NTNG1: variants seen among roughly 807,000 people sequenced by gnomAD.
The protein encoded by NTNG1 is netrin-G1.
Under a neutral mutation model 54.0 loss-of-function variants are expected in NTNG1, and 16 were observed. The ratio of observed to expected loss-of-function variants is 0.30; its 90% CI spans 0.20 to 0.45. NTNG1 has a LOEUF of 0.45. Ranked by LOEUF, NTNG1 falls within the 20% of genes least tolerant of loss-of-function variation. NTNG1 has a pLI of 1.00. For missense variants in NTNG1, 530 were observed against 678.7 expected (o/e 0.78, Z 2.43); for synonymous variants, 255 against 263.1 (o/e 0.97, Z 0.30).
In NTNG1 at chr1:107,420,581, A is replaced by G. The variant is rs12083160; in HGVS notation, c.1088-10169A>G. On this transcript the variant is annotated intron_variant, in intron 5 of 7. Coordinates refer to ENST00000370068, the MANE Select transcript of NTNG1 (RefSeq NM_001113226.3). ...ACTTTTAAAGGTATATGTGTTCAAG[A>G]TGACTCTGAGATAGGCCCAAATGCT... 7.6e-3 allele frequency among the ~76,000 whole-genome samples: 1,153 copies of G among 152,156 alleles called. 18 individuals are homozygous for G. Among genetic ancestry groups the G allele is most frequent in the African/African-American group, 0.027 (1,111 of 41,552 alleles).
intron 5 of NTNG1, chr1:107,418,610 A>C (rs753760479): frequency 4.2e-5 from 67 of 1,604,090 alleles, no homozygotes; most frequent in Admixed American, 1.0e-4. Context: ...ATATGGCCGA[A>C]TATTTCTTCC....
intron 3 of NTNG1, among the ~76,000 whole-genome samples, chr1:107,348,958 G>A (rs766374202): frequency 1.3e-5 from 2 of 152,078 alleles, no homozygotes; most frequent in Non-Finnish European, 2.9e-5. Context: ...ATCCTCCCAT[G>A]GCTTTTAAAT....
intron 2 of NTNG1, among the ~76,000 whole-genome samples, chr1:107,204,656 C>A (rs1659043100): frequency 6.6e-6 from 1 of 152,094 alleles, no homozygotes; most frequent in Non-Finnish European, 1.5e-5. Context: ...TGTTGAAATT[C>A]CTGATCCACA....
chr1:107,437,102 T>A (rs1675651958), intron 7 of NTNG1, among the ~76,000 whole-genome samples: 1 of 152,092 alleles, frequency 6.6e-6, no homozygotes, highest in African/African-American at 2.4e-5. Flanking sequence ...AGCGTGGAAA[T>A]CTTCACCGCA....
intron 5 of NTNG1, among the ~76,000 whole-genome samples, chr1:107,415,120 TTCAG>T (rs1674108815): frequency 6.6e-6 from 1 of 152,084 alleles, no homozygotes; most frequent in African/African-American, 2.4e-5. Flanking sequence ...TCAAGACAAA[TTCAG>T]TCAATTTTAA....
intron 5 of NTNG1, among the ~76,000 whole-genome samples, chr1:107,414,937 T>C (rs1286125237): frequency 6.6e-6 from 1 of 152,152 alleles, no homozygotes; most frequent in Non-Finnish European, 1.5e-5. Flanking sequence ...TTATCCTAAA[T>C]AGATTATTTT....
chr1:107,473,179 T>A (rs1377409746), intron 7 of NTNG1, among the ~76,000 whole-genome samples: 1 of 152,190 alleles, frequency 6.6e-6, no homozygotes, highest in Non-Finnish European at 1.5e-5. Flanking sequence ...CGCATTACAT[T>A]GATTCCTTGA....
intron 2 of NTNG1, among the ~76,000 whole-genome samples, chr1:107,238,049 G>T (rs921134283): frequency 3.9e-5 from 6 of 152,172 alleles, no homozygotes; most frequent in Non-Finnish European, 8.8e-5. Context: ...TGGAAAAGCT[G>T]CAGACGCTCA....
intron 3 of NTNG1, among the ~76,000 whole-genome samples, chr1:107,344,123 C>G (rs767348229): frequency 5.9e-5 from 9 of 151,972 alleles, no homozygotes; most frequent in Admixed American, 1.3e-4. Context: ...GTTCCCAGAA[C>G]GCCACTTTAA....
At chr1:107,356,455 G>A (rs1181899563) in intron 3 of NTNG1, among the ~76,000 whole-genome samples, 1 of 151,790 alleles carries the variant, frequency 6.6e-6, no homozygotes, top group East Asian at 2.0e-4. Context: ...CACCACACCT[G>A]GCTAATTTTT....
intron 2 of NTNG1, among the ~76,000 whole-genome samples, chr1:107,292,402 C>G (rs2493991): frequency 0.43 from 66,033 of 151,856 alleles, 14,512 homozygotes; most frequent in Admixed American, 0.53. Context: ...GACATGAGCA[C>G]AACAGGAGAG....
intron 2 of NTNG1, among the ~76,000 whole-genome samples, chr1:107,154,595 CAAAAAAAA>C (rs59619310): frequency 8.4e-5 from 4 of 47,752 alleles, no homozygotes; most frequent in African/African-American, 2.1e-4. Context: ...GACCCTGTCT[CAAAAAAAA>C]AAAAAAAAAA....
intron 2 of NTNG1, among the ~76,000 whole-genome samples, chr1:107,319,899 C>T (rs1388621411): frequency 6.7e-6 from 1 of 150,292 alleles, no homozygotes; most frequent in Non-Finnish European, 1.5e-5. Flanking sequence ...CTCTGAAGGG[C>T]TTAGCAGATC....
intron 6 of NTNG1, among the ~76,000 whole-genome samples, chr1:107,434,631 G>GT (rs1397642255): frequency 1.3e-5 from 2 of 152,108 alleles, no homozygotes; most frequent in African/African-American, 4.8e-5. Context: ...CCATGGTTGG[G>GT]TAATCAGAGG....
At chr1:107,188,748 C>T (rs1050954350) in intron 2 of NTNG1, among the ~76,000 whole-genome samples, 1 of 152,068 alleles carries the variant, frequency 6.6e-6, no homozygotes, top group African/African-American at 2.4e-5. Flanking sequence ...AGACAGTTCA[C>T]AAATCCACAT....
At chr1:107,213,071 G>A (rs892994793) in intron 2 of NTNG1, among the ~76,000 whole-genome samples, 1 of 151,372 alleles carries the variant, frequency 6.6e-6, no homozygotes, top group Non-Finnish European at 1.5e-5. Flanking sequence ...AGATAAAAGT[G>A]AAATGAAATA....
intron 7 of NTNG1, among the ~76,000 whole-genome samples, chr1:107,443,799 C>A (rs1468503136): frequency 1.3e-5 from 2 of 152,086 alleles, no homozygotes; most frequent in African/African-American, 4.8e-5. Context: ...ATCACTGAAT[C>A]CAAGTTTTTA....
chr1:107,445,736 A>G (rs1676268822), intron 7 of NTNG1, among the ~76,000 whole-genome samples: 1 of 152,120 alleles, frequency 6.6e-6, no homozygotes, highest in Non-Finnish European at 1.5e-5. Context: ...CAACAATTTT[A>G]GGCTCTGTAG....
intron 5 of NTNG1, among the ~76,000 whole-genome samples, chr1:107,424,843 A>G (rs777535004): frequency 5.1e-4 from 77 of 152,246 alleles, no homozygotes; most frequent in Non-Finnish European, 6.2e-4. Flanking sequence ...CCTGGAAATA[A>G]CTATTTTGGA....
Sources: allele counts gnomAD v4.1 joint callset (sites outside exome capture counted in the v4.1 genomes callset), GRCh38; gene constraint gnomAD v4.1.1; transcripts MANE v1.5; gene names NCBI Gene and HGNC (gene_info 2026-07-23, HGNC 2026-07-21).